Variants in SIK3 observed in about 807,000 individuals in gnomAD.
The protein encoded by SIK3 is serine/threonine-protein kinase SIK3.
Under a neutral mutation model 144.2 loss-of-function variants are expected in SIK3, and 28 were observed. The observed-to-expected ratio is 0.19, with a 90% CI of 0.14 to 0.27. SIK3 has a LOEUF of 0.27. Ranked by LOEUF, SIK3 falls within the 10% of genes least tolerant of loss-of-function variation. The pLI, the probability that SIK3 is intolerant of heterozygous loss-of-function variation, is 1.00. For missense variants in SIK3, 1,319 were observed against 1,776.0 expected (o/e 0.74, Z 4.62); for synonymous variants, 686 against 676.3 (o/e 1.01, Z -0.22).
At chr11:116,882,405 T>C (rs1280379722) in intron 6 of SIK3, among the ~76,000 whole-genome samples, 1 of 152,034 alleles carries the variant, frequency 6.6e-6, no homozygotes, top group East Asian at 1.9e-4. Context: ...TAAGAGGAGA[T>C]AGGTAAAAAT....
rs114908950 is a variant in SIK3, at chr11:117,090,877, T to C, written c.273+7266A>G. Among the ~76,000 whole-genome samples, 1,495 of 152,304 alleles carry C rather than the reference T, an allele frequency of 9.8e-3. 25 individuals are homozygous for C. Among genetic ancestry groups the C allele is most frequent in the African/African-American group, 0.035 (1,450 of 41,568 alleles). ...TTTACTCTTCCTCTCTACTCGGAAA[T>C]GTTTCCTCTCATCATGACATCTCGC... On this transcript the variant is annotated intron_variant, in intron 1 of 24. Transcript: ENST00000445177.
intron 1 of SIK3, among the ~76,000 whole-genome samples, chr11:117,001,443 T>G (rs778349614): frequency 2.0e-5 from 3 of 151,712 alleles, no homozygotes; most frequent in Non-Finnish European, 2.9e-5. Context: ...GAGGTGGAGG[T>G]TGCAGTGAGC....
At chr11:116,914,560 C>G (rs1357255332) in intron 4 of SIK3, among the ~76,000 whole-genome samples, 1 of 152,178 alleles carries the variant, frequency 6.6e-6, no homozygotes, top group African/African-American at 2.4e-5. Flanking sequence ...GTGAACAAGA[C>G]AGACATGGTC....
chr11:116,983,279 C>A (rs1475430826), intron 1 of SIK3, among the ~76,000 whole-genome samples: 1 of 150,170 alleles, frequency 6.7e-6, no homozygotes. Flanking sequence ...CACCTGTAAT[C>A]CCAGCACTTT....
At chr11:116,922,043 C>A (rs543776894) in intron 4 of SIK3, among the ~76,000 whole-genome samples, 24 of 152,192 alleles carry the variant, frequency 1.6e-4, no homozygotes, top group African/African-American at 5.5e-4. Flanking sequence ...AGATGCATGC[C>A]ACCTTGCTCA....
intron 4 of SIK3, among the ~76,000 whole-genome samples, chr11:116,919,132 C>T (rs943968824): frequency 6.6e-6 from 1 of 152,164 alleles, no homozygotes; most frequent in African/African-American, 2.4e-5. Flanking sequence ...ATGAGTATTG[C>T]ATAACTACTT....
chr11:117,059,009 A>G (rs971643515), intron 1 of SIK3, among the ~76,000 whole-genome samples: 30 of 152,364 alleles, frequency 2.0e-4, no homozygotes, highest in African/African-American at 6.5e-4. Flanking sequence ...AGAATGTCAC[A>G]AATTGGGAGA....
At chr11:116,873,266 T>C (rs1472151998) in intron 13 of SIK3, among the ~76,000 whole-genome samples, 1 of 151,778 alleles carries the variant, frequency 6.6e-6, no homozygotes, top group Non-Finnish European at 1.5e-5. Context: ...AGGAGTGGAG[T>C]TCAATGTAGA....
At chr11:116,855,935 T>C (rs1241550) in intron 21 of SIK3, among the ~76,000 whole-genome samples, 23,465 of 152,188 alleles carry the variant, frequency 0.15, 4,895 homozygotes, top group African/African-American at 0.48. Flanking sequence ...CGGTGGCTCA[T>C]GCCTGTAATC....
intron 4 of SIK3, among the ~76,000 whole-genome samples, chr11:116,910,829 C>A (rs11216183): frequency 0.099 from 15,088 of 151,640 alleles, 783 homozygotes; most frequent in Middle Eastern, 0.12. Flanking sequence ...ACAACAACAA[C>A]AAAAAAAACA....
chr11:116,852,018 C>T (rs1448977949), intron 21 of SIK3, among the ~76,000 whole-genome samples: 1 of 152,228 alleles, frequency 6.6e-6, no homozygotes, highest in East Asian at 1.9e-4. Flanking sequence ...GGATGCAAAT[C>T]TCATCAGTTG....
chr11:116,967,828 C>G (rs962800365), intron 1 of SIK3, among the ~76,000 whole-genome samples: 1 of 152,224 alleles, frequency 6.6e-6, no homozygotes, highest in Admixed American at 6.5e-5. Context: ...GCCAGCCTCC[C>G]TGTGCCCATC....
chr11:116,983,539 T>A (rs886216233), intron 1 of SIK3, among the ~76,000 whole-genome samples: 2 of 150,718 alleles, frequency 1.3e-5, no homozygotes, highest in Non-Finnish European at 3.0e-5. Context: ...AAAAAAAAAA[T>A]TGGTCAATAA....
Position 116,849,643 on chromosome 11 carries a change from T to A in SIK3, c.3656-360A>T, listed in dbSNP as rs1357365382. On this transcript the variant is annotated intron_variant, in intron 21 of 24. Transcript: ENST00000445177. The surrounding 1 kb of genome is among the most constrained non-coding windows in gnomAD (Gnocchi z 4.2). ...TTCAGGACCCTCTAGCCCTAGAGGA[T>A]GCATCTGTTCTGTGGCTGGCTGCGT... is the stretch of plus-strand genomic sequence containing the variant. Among the ~76,000 whole-genome samples the A allele has an allele frequency of 1.3e-5, 2 of 152,222 alleles. No individual in the cohort carries two copies. Among genetic ancestry groups the A allele is most frequent in the Admixed American group, 1.3e-4 (2 of 15,284 alleles).
At chr11:116,863,073 CA>C (rs144760564) in intron 16 of SIK3, among the ~76,000 whole-genome samples, 22,458 of 115,350 alleles carry the variant, frequency 0.19, 1,735 homozygotes, top group South Asian at 0.22. Context: ...GACTTGGTCT[CA>C]AAAAAAAAAA....
intron 1 of SIK3, among the ~76,000 whole-genome samples, chr11:117,077,448 T>A (rs542860374): frequency 6.6e-6 from 1 of 152,330 alleles, no homozygotes; most frequent in East Asian, 1.9e-4. Context: ...GCTTTCTAAT[T>A]GGGAAATCTC....
intron 1 of SIK3, among the ~76,000 whole-genome samples, chr11:116,965,633 C>T (rs77320801): frequency 0.096 from 13,239 of 137,910 alleles, 780 homozygotes; most frequent in Admixed American, 0.16. Context: ...AGGGCTCACA[C>T]CTGTAATCCT....
At chr11:117,069,183 T>TG (rs1565613101) in intron 1 of SIK3, among the ~76,000 whole-genome samples, 30 of 73,378 alleles carry the variant, frequency 4.1e-4, no homozygotes, top group African/African-American at 1.2e-3. Flanking sequence ...AGATTTTTTT[T>TG]TGGGGGGGGG....
chr11:117,059,139 A>G (rs1355017563), intron 1 of SIK3, among the ~76,000 whole-genome samples: 2 of 152,244 alleles, frequency 1.3e-5, no homozygotes, highest in Admixed American at 1.3e-4. Flanking sequence ...TTGTAATTCC[A>G]GAAGTGGACG....
Sources: gnomAD v4.1 joint callset for allele counts (sites outside exome capture counted in the v4.1 genomes callset) on GRCh38, gnomAD v4.1.1 for gene constraint, Gnocchi (gnomAD v3.1) non-coding constraint, MANE v1.5 for transcripts, NCBI Gene and HGNC (gene_info 2026-07-23, HGNC 2026-07-21) for gene names.